AR: variants seen among roughly 807,000 people sequenced by gnomAD.
AR encodes androgen receptor.
Under a neutral mutation model 53.9 loss-of-function variants are expected in AR, and 8 were observed. That is an observed-to-expected ratio of 0.15 (90% confidence interval 0.09 to 0.27). AR has a LOEUF of 0.27. Ranked by LOEUF, AR falls within the 10% of genes least tolerant of loss-of-function variation. The pLI is 1.00. For missense variants in AR, 639 were observed against 742.5 expected (o/e 0.86, Z 1.62); for synonymous variants, 359 against 316.4 (o/e 1.13, Z -1.43).
intron 2 of AR, among the ~76,000 whole-genome samples, chrX:67,658,942 T>C (rs887042484): frequency 9.0e-6 from 1 of 111,607 alleles, no homozygotes; most frequent in Non-Finnish European, 1.9e-5. Context: ...ATATGGGGAA[T>C]TGGAGGGAGA....
At chrX:67,569,239 C>T (rs1487955537) in intron 1 of AR, among the ~76,000 whole-genome samples, 1 of 108,990 alleles carries the variant, frequency 9.2e-6, no homozygotes, top group African/African-American at 3.4e-5. Flanking sequence ...TTGAGCAATT[C>T]ATTATTATTA....
intron 2 of AR, among the ~76,000 whole-genome samples, chrX:67,665,027 G>T (rs766827374): frequency 1.6e-4 from 18 of 112,880 alleles, no homozygotes; most frequent in Non-Finnish European, 3.0e-4. Flanking sequence ...CCCTTTCTTT[G>T]ACTAGGAAAG....
At chrX:67,697,825 C>T (rs2076027046) in intron 3 of AR, among the ~76,000 whole-genome samples, 1 of 111,359 alleles carries the variant, frequency 9.0e-6, no homozygotes, top group Admixed American at 9.6e-5. Flanking sequence ...GAATAATAAA[C>T]CTTTTATGTG....
At chrX:67,559,648 A>C (rs774353648) in intron 1 of AR, among the ~76,000 whole-genome samples, 1 of 112,408 alleles carries the variant, frequency 8.9e-6, no homozygotes, top group Non-Finnish European at 1.9e-5. Context: ...CTAAATGATA[A>C]CTATTTCAGC....
chrX:67,724,799 G>A lies in AR; in HGVS notation c.*958G>A, dbSNP rs751416757. 2.3e-5 allele frequency: 4 copies of A among 173,745 alleles called. No homozygotes were observed. The highest frequency in any genetic ancestry group is 3.0e-5 in the African/African-American group (1 of 33,734). The allele number at this position is 173,745 out of a possible 1,213,427, so 14.3% of individuals were successfully genotyped here. A position where few individuals can be genotyped will look rare whatever the true frequency, so the allele number is the denominator to read the frequency against. On this transcript the variant is annotated 3_prime_UTR_variant, in exon 8 of 8. Transcript: ENST00000374690. Reference sequence around the variant, plus strand: ...TTTTTCTAAGACCTTTGAACTGAATGTTCTCTTCAGCCAAAACTTGGCGAC... The same window carrying A: ...TTTTTCTAAGACCTTTGAACTGAATATTCTCTTCAGCCAAAACTTGGCGAC...
At chrX:67,554,068 C>T (rs1163969207) in intron 1 of AR, among the ~76,000 whole-genome samples, 2 of 111,916 alleles carry the variant, frequency 1.8e-5, no homozygotes, top group East Asian at 5.6e-4. Context: ...TAATCCCATC[C>T]CCTTTCGGGA....
intron 2 of AR, among the ~76,000 whole-genome samples, chrX:67,682,245 A>G (rs2075939154): frequency 9.0e-6 from 1 of 111,553 alleles, no homozygotes; most frequent in South Asian, 3.7e-4. Flanking sequence ...TGAAGTATAT[A>G]ATAATCCCTG....
Position 67,728,377 on chromosome X carries a change from C to T in AR, c.*4536C>T, listed in dbSNP as rs775732004. 1.3e-5 allele frequency: 2 copies of T among 154,538 alleles called. No homozygotes were observed. Among genetic ancestry groups the T allele is most frequent in the African/African-American group, 6.3e-5 (2 of 31,556 alleles). 12.7% of individuals were successfully genotyped at this position (154,538 alleles called of 1,213,427 possible). On this transcript the variant is annotated 3_prime_UTR_variant, in exon 8 of 8. Transcript: ENST00000374690. ...TCTTAGCCACTGTGTTTGCTAGTGC[C>T]CATGTTAGCTTATCTGAAGATGTGA... is the stretch of plus-strand genomic sequence containing the variant.
intron 3 of AR, among the ~76,000 whole-genome samples, chrX:67,709,768 G>C (rs936685939): frequency 8.9e-6 from 1 of 111,772 alleles, no homozygotes; most frequent in Non-Finnish European, 1.9e-5. Context: ...GTTCCTATTC[G>C]GCCATCTTAT....
intron 5 of AR, among the ~76,000 whole-genome samples, chrX:67,720,670 G>A (rs1161032554): frequency 1.8e-5 from 2 of 111,022 alleles, no homozygotes; most frequent in Admixed American, 9.5e-5. Flanking sequence ...CTTTCTCCAG[G>A]ACAGCCAAGA....
At chrX:67,613,981 T>G (rs1338191373) in intron 1 of AR, among the ~76,000 whole-genome samples, 1 of 111,936 alleles carries the variant, frequency 8.9e-6, no homozygotes, top group Admixed American at 9.5e-5. Flanking sequence ...AGGGTGAAAA[T>G]CTAACTGGCT....
chrX:67,639,444 C>G (rs1231901424), intron 1 of AR, among the ~76,000 whole-genome samples: 1 of 111,979 alleles, frequency 8.9e-6, no homozygotes, highest in African/African-American at 3.3e-5. Flanking sequence ...TTCTTCCTAT[C>G]CATGAGCATG....
intron 1 of AR, among the ~76,000 whole-genome samples, chrX:67,620,314 A>T (rs1409754255): frequency 9.1e-6 from 1 of 109,446 alleles, no homozygotes; most frequent in Non-Finnish European, 1.9e-5. Context: ...GCAAGTGGTA[A>T]ATGCTGCTTT....
chrX:67,603,818 CAG>C (rs1216742601), intron 1 of AR, among the ~76,000 whole-genome samples: 1 of 110,916 alleles, frequency 9.0e-6, no homozygotes, highest in Non-Finnish European at 1.9e-5. Flanking sequence ...AGGCTGGAGA[CAG>C]GGAGCACATT....
chrX:67,572,740 G>A (rs1205923727), intron 1 of AR, among the ~76,000 whole-genome samples: 3 of 111,209 alleles, frequency 2.7e-5, no homozygotes, highest in Non-Finnish European at 5.7e-5. Flanking sequence ...GGTAAGCCTT[G>A]AGATTACTTC....
intron 1 of AR, among the ~76,000 whole-genome samples, chrX:67,555,999 A>C (rs1409709811): frequency 8.9e-6 from 1 of 112,452 alleles, no homozygotes; most frequent in African/African-American, 3.2e-5. Flanking sequence ...TTGACTTTTT[A>C]ATACCTTTCT....
At chrX:67,666,537 T>G (rs1281276586) in intron 2 of AR, among the ~76,000 whole-genome samples, 1 of 111,953 alleles carries the variant, frequency 8.9e-6, no homozygotes, top group East Asian at 2.8e-4. Flanking sequence ...TGCAGATCTC[T>G]TTGATATACT....
chrX:67,674,956 G>A lies in AR; in HGVS notation c.1769-11054G>A, dbSNP rs535634454. ...TCACTCAAAACTCCTGGCAAGTACT[G>A]CCTGGCTATCACACTGATTATTCAG... On this transcript the variant is annotated intron_variant, in intron 2 of 7. Coordinates refer to ENST00000374690, the MANE Select transcript of AR (RefSeq NM_000044.6). Among the ~76,000 whole-genome samples the A allele has an allele frequency of 8.1e-5, 9 of 111,216 alleles. No homozygotes were observed. The South Asian group carries it at 3.5e-3, about 43-fold the overall frequency.
intron 1 of AR, among the ~76,000 whole-genome samples, chrX:67,600,531 T>G (rs1189686989): frequency 9.0e-6 from 1 of 110,989 alleles, no homozygotes; most frequent in Non-Finnish European, 1.9e-5. Context: ...AGAAGGATGG[T>G]AACCAAAGGC....
Sources: allele counts gnomAD v4.1 joint callset (sites outside exome capture counted in the v4.1 genomes callset), GRCh38; gene constraint gnomAD v4.1.1; transcripts MANE v1.5; gene names NCBI Gene and HGNC (gene_info 2026-07-23, HGNC 2026-07-21).